Variants in FBXL13 observed in about 807,000 individuals in gnomAD.
The protein encoded by FBXL13 is F-box and leucine-rich repeat protein 13.
FBXL13 carries 67 observed loss-of-function variants against 83.6 expected under a neutral mutation model. The ratio of observed to expected loss-of-function variants is 0.80; its 90% CI spans 0.66 to 0.98. The LOEUF (loss-of-function observed/expected upper bound fraction) is 0.98, where lower values mean the gene tolerates loss of function less well. FBXL13 is among the 50% of genes least tolerant of loss of function. FBXL13 has a pLI of 0.00. For synonymous variants in FBXL13, 272 were observed against 299.5 expected (o/e 0.91, Z 0.95); for missense variants, 822 against 866.5 (o/e 0.95, Z 0.64).
chr7:102,814,531 A>C (rs1352744557), intron 19 of FBXL13: 1 of 152,244 alleles, frequency 6.6e-6, no homozygotes, highest in Non-Finnish European at 1.5e-5. Context: ...AGATGTATTA[A>C]AATAATTGTA....
At chr7:103,032,527 G>A (rs1174559107) in intron 2 of FBXL13, among the ~76,000 whole-genome samples, 1 of 152,076 alleles carries the variant, frequency 6.6e-6, no homozygotes, top group African/African-American at 2.4e-5. Context: ...TGTCTTACAC[G>A]GTTTGTTCAA....
At chr7:102,862,010 A>G (rs1287988778) in intron 16 of FBXL13, among the ~76,000 whole-genome samples, 1 of 148,246 alleles carries the variant, frequency 6.7e-6, no homozygotes, top group Non-Finnish European at 1.5e-5. Flanking sequence ...TCACATCTGC[A>G]TATGTGTGTG....
intron 6 of FBXL13, chr7:102,988,791 G>C (rs1024013973): frequency 1.3e-5 from 2 of 152,246 alleles, no homozygotes; most frequent in Non-Finnish European, 1.5e-5. Flanking sequence ...ACCCTAGGCT[G>C]CTTATCCCAC....
intron 9 of FBXL13, 152 bp from the exon 11 acceptor site, chr7:102,926,526 G>A (rs562383089): frequency 1.5e-5 from 9 of 601,418 alleles, no homozygotes; most frequent in African/African-American, 1.3e-4. Flanking sequence ...AGGTTGAAAT[G>A]AAATTAAATA....
intron 8 of FBXL13, among the ~76,000 whole-genome samples, chr7:102,960,419 G>A (rs1056748585): frequency 1.3e-4 from 20 of 152,040 alleles, no homozygotes; most frequent in African/African-American, 4.8e-4. Context: ...GGAGAAACTG[G>A]TACCATTCCT....
chr7:102,853,401 T>TA (rs1412293160), intron 17 of FBXL13, among the ~76,000 whole-genome samples: 1 of 152,070 alleles, frequency 6.6e-6, no homozygotes. Context: ...ACGTTAGACC[T>TA]AAAACCATAA....
At chr7:102,921,161 C>A (rs1047087828) in intron 10 of FBXL13, among the ~76,000 whole-genome samples, 1 of 151,408 alleles carries the variant, frequency 6.6e-6, no homozygotes, top group Non-Finnish European at 1.5e-5. Flanking sequence ...CAAAACAAAG[C>A]GAATTCAAGG....
intron 1 of FBXL13, among the ~76,000 whole-genome samples, chr7:103,067,891 G>A (rs936080288): frequency 6.6e-6 from 1 of 152,234 alleles, no homozygotes; most frequent in African/African-American, 2.4e-5. Context: ...GGTAAAGAGA[G>A]AAATAAGGAC....
intron 17 of FBXL13, among the ~76,000 whole-genome samples, chr7:102,841,819 C>G (rs1562977963): frequency 6.6e-6 from 1 of 152,130 alleles, no homozygotes; most frequent in Non-Finnish European, 1.5e-5. Flanking sequence ...GTATGTTGTT[C>G]TATTATAAAG....
chr7:102,871,636 G>A (rs1213152121), intron 16 of FBXL13, among the ~76,000 whole-genome samples: 1 of 151,546 alleles, frequency 6.6e-6, no homozygotes, highest in Non-Finnish European at 1.5e-5. Flanking sequence ...CAAGTGATCT[G>A]CCCACCTCAG....
At chr7:103,055,216 CATTA>C (rs1563279670) in intron 2 of FBXL13, 38 bp from the exon 3 acceptor site, 7 of 1,069,524 alleles carry the variant, frequency 6.5e-6, no homozygotes, top group South Asian at 1.4e-5. Context: ...AAATTAATTT[CATTA>C]ATTAGTTAGT....
intron 2 of FBXL13, among the ~76,000 whole-genome samples, chr7:103,054,095 T>C (rs573332190): frequency 2.0e-5 from 3 of 152,004 alleles, no homozygotes; most frequent in Non-Finnish European, 4.4e-5. Flanking sequence ...AGCCCTGTAA[T>C]CAAGAGATAT....
At chr7:102,877,842 T>G (rs890751558) in intron 15 of FBXL13, among the ~76,000 whole-genome samples, 3 of 152,160 alleles carry the variant, frequency 2.0e-5, no homozygotes, top group Non-Finnish European at 2.9e-5. Context: ...AAGGAAAAAA[T>G]ATGTCACATA....
At chr7:103,034,466 G>A (rs941620769) in intron 2 of FBXL13, among the ~76,000 whole-genome samples, 15 of 152,316 alleles carry the variant, frequency 9.8e-5, no homozygotes, top group Admixed American at 3.9e-4. Flanking sequence ...CTCACTGCCC[G>A]GGGCCAGTGG....
intron 17 of FBXL13, among the ~76,000 whole-genome samples, chr7:102,835,447 C>A (rs1801709980): frequency 6.6e-6 from 1 of 152,152 alleles, no homozygotes; most frequent in African/African-American, 2.4e-5. Context: ...TGGAAATCTG[C>A]TAGCTTTCAT....
intron 18 of FBXL13, among the ~76,000 whole-genome samples, chr7:102,824,338 C>G (rs1799247532): frequency 6.6e-6 from 1 of 151,708 alleles, no homozygotes; most frequent in East Asian, 1.9e-4. Flanking sequence ...AGCACATTGC[C>G]AAAAAAATAG....
chr7:103,021,539 A>G (rs1270816809), intron 6 of FBXL13, among the ~76,000 whole-genome samples: 1 of 152,268 alleles, frequency 6.6e-6, no homozygotes, highest in Non-Finnish European at 1.5e-5. Flanking sequence ...CATCAGAGTG[A>G]ACAGGCAACC....
rs376981003 is a variant in FBXL13, at chr7:103,002,079, C to T, written c.495+22984G>A. 3.8e-4 allele frequency among the ~76,000 whole-genome samples: 58 copies of T among 152,124 alleles called. 2 individuals are homozygous for T. Among genetic ancestry groups the T allele is most frequent in the East Asian group, 2.9e-3 (15 of 5,186 alleles). On this transcript the variant is annotated intron_variant, in intron 6 of 19. Transcript: ENST00000313221. ...GTTTTGAAACTCCTCTCCTTTCTTC[C>T]TTTTTTACTGTCTTCCTTTGTGCTT... is the stretch of plus-strand genomic sequence containing the variant.
intron 11 of FBXL13, among the ~76,000 whole-genome samples, chr7:102,888,133 C>T (rs1811039735): frequency 6.6e-6 from 1 of 152,182 alleles, no homozygotes; most frequent in Non-Finnish European, 1.5e-5. Flanking sequence ...TTCAGGTACT[C>T]TTTTTTTGAA....
Sources: gnomAD v4.1 joint callset for allele counts (sites outside exome capture counted in the v4.1 genomes callset) on GRCh38, gnomAD v4.1.1 for gene constraint, MANE v1.5 for transcripts, NCBI Gene and HGNC (gene_info 2026-07-23, HGNC 2026-07-21) for gene names.